The following LRRC8B variants were observed in gnomAD, a reference collection of about 807,000 sequenced individuals.
LRRC8B encodes the protein leucine rich repeat containing 8 VRAC subunit B.
In LRRC8B, 23 loss-of-function variants were observed where a neutral mutation model predicts 58.8. The ratio of observed to expected loss-of-function variants is 0.39; its 90% confidence interval spans 0.28 to 0.55. The LOEUF (loss-of-function observed/expected upper bound fraction) is 0.55, where lower values mean the gene tolerates loss of function less well. LRRC8B is among the 20% of genes least tolerant of loss of function. LRRC8B has a pLI of 0.62. For synonymous variants in LRRC8B, 359 were observed against 374.1 expected, an observed-to-expected ratio of 0.96 and a Z score of 0.47; for missense variants, 694 against 936.0, an observed-to-expected ratio of 0.74 and a Z score of 3.37.
intron 1 of LRRC8B, among the ~76,000 whole-genome samples, chr1:89,544,602 A>ATAATAATAATATCCC (rs1651262550): frequency 6.6e-6 from 1 of 152,192 alleles, no homozygotes; most frequent in African/African-American, 2.4e-5. Context: ...CCTTATAATA[A>ATAATAATAATATCCC]TAATAATATC....
chr1:89,588,877 A>C (rs538605961), intron 5 of LRRC8B, among the ~76,000 whole-genome samples: 1 of 152,314 alleles, frequency 6.6e-6, no homozygotes, highest in East Asian at 1.9e-4. Context: ...TATACAGCCT[A>C]GGCTAGGAAA....
At chr1:89,547,980 C>A (rs1461954741) in intron 1 of LRRC8B, among the ~76,000 whole-genome samples, 3 of 151,938 alleles carry the variant, frequency 2.0e-5, no homozygotes, top group Non-Finnish European at 4.4e-5. Context: ...GAGTCATTGC[C>A]CAAAAAAGGA....
At chr1:89,538,536 G>A (rs2100823639) in intron 1 of LRRC8B, among the ~76,000 whole-genome samples, 1 of 152,226 alleles carries the variant, frequency 6.6e-6, no homozygotes, top group Middle Eastern at 3.4e-3. Flanking sequence ...GTCACTTTTA[G>A]GGAAATACTC....
At chr1:89,544,270 T>A (rs569672659) in intron 1 of LRRC8B, among the ~76,000 whole-genome samples, 1 of 152,340 alleles carries the variant, frequency 6.6e-6, no homozygotes, top group East Asian at 1.9e-4. Flanking sequence ...ATCCCAGAGA[T>A]GTTACACATG....
chr1:89,585,675 G>C (rs1292612853), intron 5 of LRRC8B, among the ~76,000 whole-genome samples: 3 of 152,044 alleles, frequency 2.0e-5, no homozygotes, highest in African/African-American at 7.2e-5. Context: ...TGCGCGTGGT[G>C]GCACGGACCT....
At chr1:89,585,791 CAG>C (rs1389895876) in intron 5 of LRRC8B, among the ~76,000 whole-genome samples, 1 of 151,246 alleles carries the variant, frequency 6.6e-6, no homozygotes, top group East Asian at 1.9e-4. Context: ...AGCCTGGTAA[CAG>C]AGCGAGACTC....
chr1:89,578,589 G>A (rs1654015514), intron 3 of LRRC8B, among the ~76,000 whole-genome samples: 1 of 152,172 alleles, frequency 6.6e-6, no homozygotes. Context: ...CCCAAAGTAA[G>A]TTTTGGACAT....
At chr1:89,534,185 C>G (rs1195597195) in intron 1 of LRRC8B, among the ~76,000 whole-genome samples, 1 of 152,092 alleles carries the variant, frequency 6.6e-6, no homozygotes, top group African/African-American at 2.4e-5. Flanking sequence ...TGAAAAACGA[C>G]TTGTTCTCAT....
chr1:89,565,313 A>G (rs1436700735), intron 1 of LRRC8B, among the ~76,000 whole-genome samples: 1 of 152,160 alleles, frequency 6.6e-6, no homozygotes, highest in East Asian at 1.9e-4. Context: ...ATTTGATAAG[A>G]TATTAAGGTC....
In LRRC8B at chr1:89,594,449, A is replaced by G. The variant is rs1302490780; in HGVS notation, c.*1406A>G. The G allele has an allele frequency of 6.6e-6, 1 of 152,136 alleles. No homozygotes were observed. Among genetic ancestry groups the G allele is most frequent in the Non-Finnish European group, 1.5e-5 (1 of 68,006 alleles). The allele number at this position is 152,136 out of a possible 1,614,324, so 9.4% of individuals were successfully genotyped here. ...TTACAAAAACTGTGATAGAGGGGAGAGGTACAGATTTGGTTTTTAAATTGA... is the reference window on the plus strand; with the variant it reads ...TTACAAAAACTGTGATAGAGGGGAGGGGTACAGATTTGGTTTTTAAATTGA... On this transcript the variant is annotated 3_prime_UTR_variant, in exon 6 of 6. Coordinates refer to ENST00000330947, the MANE Select transcript of LRRC8B (RefSeq NM_001369817.2).
chr1:89,588,992 A>G (rs1287231245), intron 5 of LRRC8B, among the ~76,000 whole-genome samples: 4 of 152,232 alleles, frequency 2.6e-5, no homozygotes, highest in African/African-American at 4.8e-5. Flanking sequence ...AATAGATTCC[A>G]TCATTTTTAT....
chr1:89,581,300 C>G (rs1654209890), intron 4 of LRRC8B, among the ~76,000 whole-genome samples: 1 of 141,704 alleles, frequency 7.1e-6, no homozygotes. Context: ...AAAAAAAAGG[C>G]TTCCTTGGGG....
At chr1:89,571,174 G>A (rs946277265) in intron 3 of LRRC8B, among the ~76,000 whole-genome samples, 2 of 152,162 alleles carry the variant, frequency 1.3e-5, no homozygotes, top group Non-Finnish European at 2.9e-5. Flanking sequence ...CTTTTGCTTA[G>A]CATTGCCTTG....
chr1:89,588,715 C>G (rs1256267027), intron 5 of LRRC8B, among the ~76,000 whole-genome samples: 1 of 152,026 alleles, frequency 6.6e-6, no homozygotes, highest in Non-Finnish European at 1.5e-5. Flanking sequence ...AGAGGACAGC[C>G]AAGAAACAAA....
intron 5 of LRRC8B, among the ~76,000 whole-genome samples, chr1:89,592,363 CAGTAAACTTTTTATG>C (rs1403667906): frequency 1.3e-5 from 2 of 152,150 alleles, no homozygotes; most frequent in Admixed American, 1.3e-4. Flanking sequence ...TTACATTACA[CAGTAAACTTTTTATG>C]AAGACTCTTG....
At chr1:89,538,300 G>A (rs1468410707) in intron 1 of LRRC8B, among the ~76,000 whole-genome samples, 12 of 152,230 alleles carry the variant, frequency 7.9e-5, no homozygotes, top group Admixed American at 7.8e-4. Flanking sequence ...CAGAGGTCTT[G>A]AAGTGGGAAG....
intron 5 of LRRC8B, among the ~76,000 whole-genome samples, chr1:89,592,056 G>A (rs1655013877): frequency 6.6e-6 from 1 of 152,096 alleles, no homozygotes; most frequent in Non-Finnish European, 1.5e-5. Context: ...AAATTGACAT[G>A]CAACCTATCT....
chr1:89,526,023 T>C (rs552620901), intron 1 of LRRC8B, among the ~76,000 whole-genome samples: 56 of 152,348 alleles, frequency 3.7e-4, no homozygotes, highest in Non-Finnish European at 8.1e-4. Context: ...GCAAATGATA[T>C]AGTAGTCTTT....
intron 1 of LRRC8B, among the ~76,000 whole-genome samples, chr1:89,539,177 T>C (rs528217610): frequency 1.3e-5 from 2 of 152,320 alleles, no homozygotes; most frequent in African/African-American, 4.8e-5. Flanking sequence ...AATTACCCCT[T>C]AATGCATTGA....
Sources: allele counts gnomAD v4.1 joint callset (sites outside exome capture counted in the v4.1 genomes callset), GRCh38; gene constraint gnomAD v4.1.1; transcripts MANE v1.5; gene names NCBI Gene and HGNC (gene_info 2026-07-23, HGNC 2026-07-21).